Variants in CCSER1 observed in about 807,000 individuals in gnomAD.
CCSER1 encodes the protein serine-rich coiled-coil domain-containing protein 1.
CCSER1 carries 41 observed loss-of-function variants against 82.0 expected under a neutral mutation model. The ratio of observed to expected loss-of-function variants is 0.50; its 90% CI spans 0.39 to 0.65. The LOEUF (loss-of-function observed/expected upper bound fraction) is 0.65, where lower values mean the gene tolerates loss of function less well. CCSER1 is among the 30% of genes least tolerant of loss of function. The pLI is 0.00. For synonymous variants in CCSER1, 414 were observed against 383.9 expected (o/e 1.08, Z -0.92); for missense variants, 1,119 against 1,064.2 (o/e 1.05, Z -0.72).
At chr4:90,793,648 C>A (rs1312701810) in intron 7 of CCSER1, among the ~76,000 whole-genome samples, 1 of 152,090 alleles carries the variant, frequency 6.6e-6, no homozygotes, top group Non-Finnish European at 1.5e-5. Context: ...GTGCATGTGT[C>A]TTTATAATAG....
At chr4:91,452,314 A>G (rs1176160681) in intron 10 of CCSER1, among the ~76,000 whole-genome samples, 1 of 151,980 alleles carries the variant, frequency 6.6e-6, no homozygotes, top group Non-Finnish European at 1.5e-5. Flanking sequence ...TTTTGAAAAC[A>G]TTTTACAAAA....
rs757751271 is a variant in CCSER1, at chr4:90,366,786, T to C, written c.1510-33250T>C. Among the ~76,000 whole-genome samples, 38 of 152,038 alleles carry C rather than the reference T, an allele frequency of 2.5e-4. 1 individual carries two copies. The highest frequency in any genetic ancestry group is 8.5e-4 in the Admixed American group (13 of 15,264). On this transcript the variant is annotated intron_variant, in intron 3 of 10. Transcript: ENST00000509176. ...GAGATTTCATTAATTTTGTATGGAA[T>C]AGTTGAACTAACTAAATAAATAAGT... is the stretch of plus-strand genomic sequence containing the variant.
intron 8 of CCSER1, among the ~76,000 whole-genome samples, chr4:90,846,163 C>A (rs986130379): frequency 4.6e-5 from 7 of 152,120 alleles, no homozygotes; most frequent in Non-Finnish European, 1.5e-5. Flanking sequence ...CAATAAATGG[C>A]AGATTTCTCC....
chr4:91,168,351 G>A (rs369734832), intron 10 of CCSER1, among the ~76,000 whole-genome samples: 120 of 137,830 alleles, frequency 8.7e-4, no homozygotes, highest in South Asian at 3.1e-3. Flanking sequence ...AGTGAGGAGC[G>A]CCTCTGCCCA....
chr4:90,223,347 T>C (rs1414550811), intron 1 of CCSER1, among the ~76,000 whole-genome samples: 1 of 152,200 alleles, frequency 6.6e-6, no homozygotes, highest in Admixed American at 6.5e-5. Context: ...CAGGGTAAAT[T>C]TGTACTTCTT....
At chr4:90,692,155 A>T (rs1309255472) in intron 6 of CCSER1, among the ~76,000 whole-genome samples, 1 of 151,234 alleles carries the variant, frequency 6.6e-6, no homozygotes, top group Non-Finnish European at 1.5e-5. Flanking sequence ...AAATCTCATT[A>T]TAAAGTTAAA....
chr4:90,536,137 A>G (rs753976136), intron 5 of CCSER1, among the ~76,000 whole-genome samples: 10 of 150,862 alleles, frequency 6.6e-5, no homozygotes, highest in Non-Finnish European at 1.3e-4. Flanking sequence ...GGTTCAAGCA[A>G]TTCTCCTGCC....
chr4:90,570,792 C>T (rs145943231), intron 5 of CCSER1, among the ~76,000 whole-genome samples: 308 of 152,134 alleles, frequency 2.0e-3, no homozygotes, highest in African/African-American at 7.2e-3. Flanking sequence ...GAGTAAGAGC[C>T]TACTGAGCCT....
At chr4:91,190,316 A>G (rs556798437) in intron 10 of CCSER1, among the ~76,000 whole-genome samples, 1 of 152,346 alleles carries the variant, frequency 6.6e-6, no homozygotes, top group South Asian at 2.1e-4. Flanking sequence ...AGAATCTAGC[A>G]GCATCTTATC....
At chr4:90,844,875 T>C (rs1763010976) in intron 8 of CCSER1, among the ~76,000 whole-genome samples, 1 of 152,154 alleles carries the variant, frequency 6.6e-6, no homozygotes, top group South Asian at 2.1e-4. Flanking sequence ...ACAGTAAGTA[T>C]TTTAGGATTT....
chr4:91,015,378 C>G (rs1196856566), intron 9 of CCSER1: 1 of 151,934 alleles, frequency 6.6e-6, no homozygotes, highest in African/African-American at 2.4e-5. Context: ...TGATAAGCTG[C>G]TATTCTGCTC....
At chr4:90,475,898 T>G (rs1765011213) in intron 5 of CCSER1, among the ~76,000 whole-genome samples, 1 of 152,154 alleles carries the variant, frequency 6.6e-6, no homozygotes, top group Non-Finnish European at 1.5e-5. Context: ...CCGCTACCTT[T>G]CACCCTGGTA....
At position 91,294,255 on chromosome 4, in the gene CCSER1, A is replaced by T. The variant is rs185473402; in HGVS notation, c.2217+208261A>T. Among the ~76,000 whole-genome samples, 67 of 152,068 alleles carry T rather than the reference A, an allele frequency of 4.4e-4. No individual in the cohort carries two copies. In the East Asian group the frequency reaches 9.9e-3, roughly 23 times the overall value. ...AAATATATGTGAAAATTTCCTTTTA[A>T]TGGGTTATAGTTTGTGCAAACTTGT... is the stretch of plus-strand genomic sequence containing the variant. On this transcript the variant is annotated intron_variant, in intron 10 of 10. Transcript: ENST00000509176.
intron 5 of CCSER1, among the ~76,000 whole-genome samples, chr4:90,591,200 G>T (rs569415640): frequency 1.0e-3 from 153 of 152,126 alleles, no homozygotes; most frequent in African/African-American, 3.5e-3. Context: ...GAGAAAATGG[G>T]GTTTTCTAAA....
chr4:90,917,258 A>G (rs1009656923), intron 8 of CCSER1, among the ~76,000 whole-genome samples: 3 of 152,238 alleles, frequency 2.0e-5, no homozygotes, highest in African/African-American at 7.2e-5. Context: ...AAGACTTGGA[A>G]CCAAGCCAAA....
chr4:90,650,934 T>A (rs766649394), intron 6 of CCSER1, among the ~76,000 whole-genome samples: 7 of 152,354 alleles, frequency 4.6e-5, no homozygotes, highest in Non-Finnish European at 7.3e-5. Flanking sequence ...GAACATAAAC[T>A]ATGAAGTCGA....
intron 10 of CCSER1, among the ~76,000 whole-genome samples, chr4:91,176,532 C>T (rs1032781467): frequency 1.8e-4 from 28 of 152,290 alleles, no homozygotes; most frequent in African/African-American, 6.3e-4. Flanking sequence ...AGAGGTCCTT[C>T]ACATCCCTTG....
intron 10 of CCSER1, among the ~76,000 whole-genome samples, chr4:91,517,750 G>A (rs946649926): frequency 7.8e-5 from 7 of 89,320 alleles, no homozygotes; most frequent in Non-Finnish European, 1.2e-4. Context: ...TTTCTCGTGT[G>A]TGTGTGTGTG....
chr4:91,516,555 C>T (rs1760135193), intron 10 of CCSER1, among the ~76,000 whole-genome samples: 1 of 152,014 alleles, frequency 6.6e-6, no homozygotes, highest in South Asian at 2.1e-4. Flanking sequence ...GATTCTGTTC[C>T]ATTGGTCTAT....
Sources: allele counts gnomAD v4.1 joint callset (sites outside exome capture counted in the v4.1 genomes callset), GRCh38; gene constraint gnomAD v4.1.1; transcripts MANE v1.5; gene names NCBI Gene and HGNC (gene_info 2026-07-23, HGNC 2026-07-21).